TIAL1: variants seen among roughly 807,000 people sequenced by gnomAD.
TIAL1 encodes the protein nucleolysin TIAR.
TIAL1 carries 7 observed loss-of-function variants against 59.7 expected under a neutral mutation model. The ratio of observed to expected loss-of-function variants is 0.12; its 90% CI spans 0.07 to 0.22. The LOEUF (loss-of-function observed/expected upper bound fraction) is 0.22, where lower values mean the gene tolerates loss of function less well. TIAL1 is among the 10% of genes least tolerant of loss of function. The pLI, the probability that TIAL1 is intolerant of heterozygous loss-of-function variation, is 1.00. For missense variants in TIAL1, 225 were observed against 462.5 expected, an observed-to-expected ratio of 0.49 and a Z score of 4.71; for synonymous variants, 149 against 146.3, an observed-to-expected ratio of 1.02 and a Z score of -0.13.
intron 1 of TIAL1, among the ~76,000 whole-genome samples, chr10:119,590,796 G>GAAAA (rs1845834488): frequency 1.4e-5 from 2 of 147,358 alleles, no homozygotes; most frequent in Admixed American, 1.3e-4. Context: ...AAGAAAGAAA[G>GAAAA]AAAGAAAGAA....
intron 1 of TIAL1, among the ~76,000 whole-genome samples, chr10:119,590,818 AAG>A (rs1017976646): frequency 2.0e-5 from 3 of 150,514 alleles, no homozygotes; most frequent in African/African-American, 7.4e-5. Flanking sequence ...GAAAGAAAGA[AAG>A]AAACGAACAA....
intron 2 of TIAL1, among the ~76,000 whole-genome samples, chr10:119,583,837 T>C (rs1845411578): frequency 6.6e-6 from 1 of 152,218 alleles, no homozygotes; most frequent in Admixed American, 6.5e-5. Flanking sequence ...TGAATGCTGT[T>C]CTTAAGAGGT....
Position 119,582,043 on chromosome 10 carries a change from A to T in TIAL1, c.284-34T>A, listed in dbSNP as rs776782374. The stretch of plus-strand genomic sequence containing the variant: ...AGAGCATTTGGTAATCAAATACTTA[A>T]GAAGTCAGCCACTAAAACCTTTTTA... On this transcript the variant is annotated intron_variant, in intron 4 of 11. Transcript: ENST00000436547. The surrounding 1 kb of genome is among the most constrained non-coding windows in gnomAD (Gnocchi z 5.1). 2 of 1,610,302 alleles carry T rather than the reference A, an allele frequency of 1.2e-6. No homozygotes were observed. The highest frequency in any genetic ancestry group is 3.3e-5 in the Admixed American group (2 of 59,968).
At chr10:119,580,441 G>C (rs1845249930) in intron 5 of TIAL1, 2 of 943,092 alleles carry the variant, frequency 2.1e-6, no homozygotes, top group Non-Finnish European at 2.6e-6. Context: ...AATTGAAAAA[G>C]AGGAAAAAAT....
At chr10:119,592,763 TCA>T (rs55740460) in intron 1 of TIAL1, among the ~76,000 whole-genome samples, 71,181 of 149,800 alleles carry the variant, frequency 0.48, 18,979 homozygotes, top group South Asian at 0.66. Flanking sequence ...TGAGATATTC[TCA>T]CACACACACA....
intron 1 of TIAL1, chr10:119,593,662 A>G (rs1330058381): frequency 5.3e-6 from 1 of 189,394 alleles, no homozygotes; most frequent in Non-Finnish European, 9.8e-6. Flanking sequence ...AGATCTCCAT[A>G]AACAAAAAAC....
At chr10:119,578,255 T>G (rs530309901) in intron 7 of TIAL1, among the ~76,000 whole-genome samples, 12 of 139,484 alleles carry the variant, frequency 8.6e-5, no homozygotes, top group African/African-American at 3.2e-4. Context: ...AAAAAAGATA[T>G]GCCTCAATGG....
At position 119,590,566 on chromosome 10, in the gene TIAL1, C is replaced by T. The variant is rs540803126; in HGVS notation, c.33-2318G>A. Reference sequence around the variant, plus strand: ...CTCCACAAAAAATACAAAAATTAGCCGGGCATGGTGGCGCGCACCTATAAT... The same window carrying T: ...CTCCACAAAAAATACAAAAATTAGCTGGGCATGGTGGCGCGCACCTATAAT... On this transcript the variant is annotated intron_variant, in intron 1 of 11. Coordinates refer to ENST00000436547, the MANE Select transcript of TIAL1 (RefSeq NM_003252.4). Among the ~76,000 whole-genome samples the T allele has an allele frequency of 7.5e-4, 114 of 151,988 alleles. 1 individual carries two copies. The highest frequency in any genetic ancestry group is 2.6e-3 in the Admixed American group (39 of 15,274).
intron 2 of TIAL1, among the ~76,000 whole-genome samples, chr10:119,587,164 A>G: frequency 6.6e-6 from 1 of 152,344 alleles, no homozygotes; most frequent in South Asian, 2.1e-4. Context: ...TCAGGATAAA[A>G]CAAACTCTTT....
At position 119,582,022 on chromosome 10, in the gene TIAL1, C is replaced by A; in HGVS notation, c.284-13G>T. On this transcript the variant is annotated splice_polypyrimidine_tract_variant and intron_variant, in intron 4 of 11. Coordinates refer to ENST00000436547, the MANE Select transcript of TIAL1 (RefSeq NM_003252.4). The surrounding 1 kb of genome is among the most constrained non-coding windows in gnomAD (Gnocchi z 5.1). ...ACATGGAAGTGATCTGAAATCAGAG[C>A]ATTTGGTAATCAAATACTTAAGAAG... The A allele has an allele frequency of 6.2e-7, 1 of 1,612,260 alleles. No individual in the cohort carries two copies.
At position 119,576,603 on chromosome 10, in the gene TIAL1, C is replaced by T. The variant is rs374879014; in HGVS notation, c.1001+8G>A. ...CGTTTCTATACTGGAAAAACCCAAA[C>T]AACTTACTCTACTCCAAATCCTTGT... On this transcript the variant is annotated splice_region_variant and intron_variant, in intron 11 of 11. Transcript: ENST00000436547. The T allele has an allele frequency of 6.2e-7, 1 of 1,611,670 alleles. No homozygotes were observed. Among genetic ancestry groups the T allele is most frequent in the Non-Finnish European group, 8.5e-7 (1 of 1,179,404 alleles).
At chr10:119,588,710 A>ATCCT (rs1845701011) in intron 1 of TIAL1, among the ~76,000 whole-genome samples, 1 of 152,324 alleles carries the variant, frequency 6.6e-6, no homozygotes, top group East Asian at 1.9e-4. Flanking sequence ...TGATCCTATG[A>ATCCT]AAGTAAGATT....
In TIAL1 at chr10:119,588,237, T is replaced by C; in HGVS notation, c.44A>G (p.Asn15Ser). 2 of 1,582,010 alleles carry C rather than the reference T, an allele frequency of 1.3e-6. No homozygotes were observed. Among genetic ancestry groups the C allele is most frequent in the Non-Finnish European group, 8.6e-7 (1 of 1,161,206 alleles). ...DGQPRTLYVGNLSRDVTEVLI... is the reference protein window; with the variant it reads ...DGQPRTLYVGSLSRDVTEVLI... Reference sequence around the variant, plus strand: ...GACTTCTGTCACATCTCTGGAAAGGTTACCTACGTATCTGCACAAGAAAAA... The same window carrying C: ...GACTTCTGTCACATCTCTGGAAAGGCTACCTACGTATCTGCACAAGAAAAA... The change falls in exon 2 of 12, where the codon AAC (asparagine) becomes AGC (serine). Residue 15 changes from asparagine (N) to serine (S), a missense_variant. Physicochemically the swap from Asn to Ser is conservative, Grantham distance 46 (BLOSUM62 1). Around this residue, in one of 4 missense-constraint regions of TIAL1, gnomAD observed 39 missense variants for 59.5 expected, o/e 0.66. Coordinates refer to ENST00000436547, the MANE Select transcript of TIAL1 (RefSeq NM_003252.4).
intron 1 of TIAL1, among the ~76,000 whole-genome samples, chr10:119,591,702 T>C (rs1845889864): frequency 6.6e-6 from 1 of 152,208 alleles, no homozygotes; most frequent in South Asian, 2.1e-4. Context: ...TATCTTAATT[T>C]ACCAGGATTA....
rs1388928447 is a variant in TIAL1 at position 119,577,656 on chromosome 10, C to A, written c.637G>T (p.Ala213Ser). 5 of 1,614,092 alleles carry A rather than the reference C, an allele frequency of 3.1e-6. No individual in the cohort carries two copies. In the Admixed American group the frequency reaches 6.7e-5, roughly 22 times the overall value. ...AACATTGTACCTGTTAACCCAGACG[C>A]AATTCCTCCACAGTACACAGTACAA... ...KNCTVYCGGI[A>S]SGLTDQLMRQ... The change falls in exon 8 of 12, where the codon GCG becomes TCG. Residue 213 changes from alanine (A) to serine (S), a missense_variant. Physicochemically the swap from Ala to Ser is moderately conservative, Grantham distance 99 (BLOSUM62 1). This residue lies in a region of TIAL1 where 80 missense variants were observed against 158.8 expected (regional missense o/e 0.50). Coordinates refer to ENST00000436547, the MANE Select transcript of TIAL1 (RefSeq NM_003252.4).
At chr10:119,577,335 A>C in intron 9 of TIAL1, 116 bp downstream of exon 9, 1 of 1,427,234 alleles carries the variant, frequency 7.0e-7, no homozygotes, top group Non-Finnish European at 9.4e-7. Context: ...TAGGTAGCTT[A>C]AACTTCTATA....
At chr10:119,588,644 A>G (rs1845696195) in intron 1 of TIAL1, among the ~76,000 whole-genome samples, 1 of 152,028 alleles carries the variant, frequency 6.6e-6, no homozygotes, top group Non-Finnish European at 1.5e-5. Context: ...GCGCCCGGCC[A>G]CCTTTTATTT....
At chr10:119,581,370 C>A (rs1384979577) in intron 5 of TIAL1, among the ~76,000 whole-genome samples, 1 of 151,946 alleles carries the variant, frequency 6.6e-6, no homozygotes, top group African/African-American at 2.4e-5. Context: ...ACATTTATGA[C>A]TCATACATTG....
chr10:119,577,163 C>T lies in TIAL1; in HGVS notation c.778G>A (p.Val260Met). 6.2e-7 allele frequency: 1 copy of T among 1,613,064 alleles called. No homozygotes were observed. Among genetic ancestry groups the T allele is most frequent in the Non-Finnish European group, 8.5e-7 (1 of 1,179,766 alleles). ...TGTCCTTCAATCGTAGTACCGTTCA[C>T]CGAAACAATGGCATGGGCTGCACTT... Reference protein sequence around the residue: ...HESAAHAIVSVNGTTIEGHVV... With the variant: ...HESAAHAIVSMNGTTIEGHVV... The change falls in exon 10 of 12, where the codon GTG (valine) becomes ATG (methionine). Residue 260 changes from valine to methionine, a missense_variant. Val to Met is a conservative substitution (Grantham distance 21). Transcript: ENST00000436547.
Sources: allele counts gnomAD v4.1 joint callset (sites outside exome capture counted in the v4.1 genomes callset), GRCh38; gene constraint gnomAD v4.1.1; regional missense constraint gnomAD v4.1.1; non-coding constraint Gnocchi (gnomAD v3.1); transcripts MANE v1.5; gene names NCBI Gene and HGNC (gene_info 2026-07-23, HGNC 2026-07-21).